STIM1: variants seen among roughly 807,000 people sequenced by gnomAD.
The protein encoded by STIM1 is stromal interaction molecule 1.
Under a neutral mutation model 74.7 loss-of-function variants are expected in STIM1, and 25 were observed. The observed-to-expected ratio is 0.33, with a 90% CI of 0.24 to 0.47. The LOEUF (loss-of-function observed/expected upper bound fraction) is 0.47, where lower values mean the gene tolerates loss of function less well. Among genes scored for constraint, STIM1 ranks in the 20% least tolerant of loss-of-function variants. STIM1 has a pLI of 1.00. For missense variants in STIM1, 728 were observed against 920.8 expected, an observed-to-expected ratio of 0.79 and a Z score of 2.71; for synonymous variants, 328 against 348.8, an observed-to-expected ratio of 0.94 and a Z score of 0.66.
intron 2 of STIM1, among the ~76,000 whole-genome samples, chr11:4,015,234 G>A (rs2093884375): frequency 6.6e-6 from 1 of 152,204 alleles, no homozygotes; most frequent in South Asian, 2.1e-4. Flanking sequence ...GCTCTTGTAA[G>A]GCAGGCCTGG....
chr11:3,988,313 C>T (rs571930168), intron 2 of STIM1, among the ~76,000 whole-genome samples: 5 of 152,150 alleles, frequency 3.3e-5, no homozygotes, highest in South Asian at 2.1e-4. Flanking sequence ...CTGTTTTTTT[C>T]GTGTAGCCTG....
rs535243991 is a variant in STIM1 at position 3,889,675 on chromosome 11, TTC to T, written c.139+33268_139+33269del. On this transcript the variant is annotated intron_variant, in intron 1 of 12. Coordinates refer to ENST00000526596, the MANE Select transcript of STIM1 (RefSeq NM_001382567.1). The stretch of plus-strand genomic sequence containing the variant: ...GGTTAAATTACTTGTTAAAGTCACT[TTC>T]TATTAGCCGTATCTAGGCGCTTTTT... 2.1e-3 allele frequency among the ~76,000 whole-genome samples: 314 copies of T among 152,332 alleles called. 2 individuals are homozygous for T. The highest frequency in any genetic ancestry group is 0.01 in the Middle Eastern group (3 of 294).
At chr11:4,075,067 G>A (rs1297504725) in intron 7 of STIM1, among the ~76,000 whole-genome samples, 2 of 152,156 alleles carry the variant, frequency 1.3e-5, no homozygotes, top group Non-Finnish European at 1.5e-5. Context: ...CCTGAACCCC[G>A]GAGGTGGAGG....
intron 3 of STIM1, 77 bp downstream of exon 3, chr11:4,024,064 G>A: frequency 1.7e-6 from 2 of 1,210,574 alleles, no homozygotes; most frequent in South Asian, 1.2e-5. Flanking sequence ...GGCCTTAGAA[G>A]AACATGTATA....
chr11:4,073,591 G>A (rs1348052315), intron 6 of STIM1, among the ~76,000 whole-genome samples: 1 of 152,218 alleles, frequency 6.6e-6, no homozygotes, highest in Non-Finnish European at 1.5e-5. Flanking sequence ...GCACTTGAAA[G>A]AACTCGGTGA....
At chr11:3,865,336 G>T (rs2090812789) in intron 1 of STIM1, among the ~76,000 whole-genome samples, 2 of 152,156 alleles carry the variant, frequency 1.3e-5, no homozygotes, top group African/African-American at 4.8e-5. Flanking sequence ...TTCATATGTT[G>T]TTCTCACTCT....
intron 2 of STIM1, among the ~76,000 whole-genome samples, chr11:4,002,686 G>A (rs1434645557): frequency 1.3e-5 from 2 of 150,510 alleles, no homozygotes. Flanking sequence ...AGCTAGAAAA[G>A]CAAGAGCAAA....
intron 3 of STIM1, among the ~76,000 whole-genome samples, chr11:4,026,245 A>C (rs1473549916): frequency 3.9e-5 from 6 of 152,186 alleles, no homozygotes; most frequent in African/African-American, 1.4e-4. Flanking sequence ...TTTCTGACTA[A>C]TGTTGGGAGC....
intron 1 of STIM1, among the ~76,000 whole-genome samples, chr11:3,929,259 C>T (rs983835850): frequency 6.6e-5 from 10 of 152,208 alleles, no homozygotes; most frequent in African/African-American, 2.2e-4. Flanking sequence ...TATGTTAAAG[C>T]AGGTGAACTT....
chr11:4,087,006 G>GAAC, intron 12 of STIM1: 1 of 1,282,250 alleles, frequency 7.8e-7, no homozygotes, highest in Non-Finnish European at 1.0e-6. Flanking sequence ...CCAGCTCTGG[G>GAAC]ATTCCTTTTT....
At chr11:3,901,988 G>A (rs531051344) in intron 1 of STIM1, among the ~76,000 whole-genome samples, 46 of 152,242 alleles carry the variant, frequency 3.0e-4, no homozygotes, top group Admixed American at 2.5e-3. Context: ...GGCTGGTCTC[G>A]AACTCGTGAG....
chr11:4,045,065 G>T (rs767616021), intron 3 of STIM1, among the ~76,000 whole-genome samples: 1 of 152,084 alleles, frequency 6.6e-6, no homozygotes, highest in Non-Finnish European at 1.5e-5. Context: ...TGTGGTGTAG[G>T]GTGCTGATAG....
At chr11:4,070,999 T>C (rs1027777849) in intron 6 of STIM1, among the ~76,000 whole-genome samples, 1 of 152,086 alleles carries the variant, frequency 6.6e-6, no homozygotes, top group Non-Finnish European at 1.5e-5. Context: ...GCTTATAGGA[T>C]AAGAATGCTA....
chr11:4,063,447 C>A (rs1163852325), intron 5 of STIM1, among the ~76,000 whole-genome samples: 2 of 152,156 alleles, frequency 1.3e-5, no homozygotes, highest in Non-Finnish European at 2.9e-5. Context: ...ACTTTTGAGT[C>A]TCTGTGTCGG....
intron 1 of STIM1, among the ~76,000 whole-genome samples, chr11:3,880,478 T>G (rs1244060444): frequency 6.6e-6 from 1 of 152,172 alleles, no homozygotes; most frequent in Non-Finnish European, 1.5e-5. Flanking sequence ...GGGGATGGTT[T>G]CAGTGTCAAA....
intron 2 of STIM1, among the ~76,000 whole-genome samples, chr11:4,022,811 G>C (rs1178764532): frequency 1.3e-5 from 2 of 152,218 alleles, no homozygotes; most frequent in African/African-American, 2.4e-5. Context: ...CTTCAGCGTA[G>C]CCAGGCTTCT....
At chr11:3,930,779 G>A (rs1453489653) in intron 1 of STIM1, among the ~76,000 whole-genome samples, 2 of 152,148 alleles carry the variant, frequency 1.3e-5, no homozygotes, top group Non-Finnish European at 2.9e-5. Context: ...TGGGCATTTG[G>A]AGGCTCTATT....
chr11:4,010,463 G>A (rs570108572), intron 2 of STIM1, among the ~76,000 whole-genome samples: 2 of 152,164 alleles, frequency 1.3e-5, no homozygotes, highest in East Asian at 1.9e-4. Flanking sequence ...GAGCCACTGC[G>A]CCCGGCCAAA....
intron 1 of STIM1, among the ~76,000 whole-genome samples, chr11:3,866,650 C>T (rs999542428): frequency 1.3e-5 from 2 of 152,180 alleles, no homozygotes; most frequent in East Asian, 1.9e-4. Flanking sequence ...TGGTCTTGAA[C>T]TCCTGACCTT....
Sources: gnomAD v4.1 joint callset for allele counts (sites outside exome capture counted in the v4.1 genomes callset) on GRCh38, gnomAD v4.1.1 for gene constraint, MANE v1.5 for transcripts, NCBI Gene and HGNC (gene_info 2026-07-23, HGNC 2026-07-21) for gene names.